The following CACNB4 variants were observed in gnomAD, a reference collection of about 807,000 sequenced individuals.
CACNB4 encodes the protein voltage-dependent L-type calcium channel subunit beta-4.
Under a neutral mutation model 71.2 loss-of-function variants are expected in CACNB4, and 32 were observed. The ratio of observed to expected loss-of-function variants is 0.45; its 90% CI spans 0.34 to 0.60. The LOEUF (loss-of-function observed/expected upper bound fraction) is 0.60. CACNB4 is among the 20% of genes least tolerant of loss of function. The pLI is 0.01. For missense variants in CACNB4, 464 were observed against 647.9 expected (o/e 0.72, Z 3.08); for synonymous variants, 231 against 236.9 (o/e 0.97, Z 0.23).
chr2:151,881,109 G>T (rs2099847710), intron 3 of CACNB4, among the ~76,000 whole-genome samples, 187 bp from the exon 4 acceptor site: 1 of 152,132 alleles, frequency 6.6e-6, no homozygotes, highest in Non-Finnish European at 1.5e-5. Context: ...GGTCCTATCA[G>T]CCCAACCATT....
At chr2:152,034,692 A>G (rs1283619079) in intron 2 of CACNB4, among the ~76,000 whole-genome samples, 1 of 152,164 alleles carries the variant, frequency 6.6e-6, no homozygotes, top group Non-Finnish European at 1.5e-5. Flanking sequence ...TTAAAACACC[A>G]GGGGATGGCA....
At chr2:152,073,767 C>G (rs905276367) in intron 2 of CACNB4, among the ~76,000 whole-genome samples, 1 of 152,204 alleles carries the variant, frequency 6.6e-6, no homozygotes, top group Non-Finnish European at 1.5e-5. Flanking sequence ...TCTCCAAGAG[C>G]AGGGCTCTCA....
rs553023332 is a variant in CACNB4 at position 152,027,448 on chromosome 2, C to A, written c.147+70882G>T. On this transcript the variant is annotated intron_variant, in intron 2 of 13. Coordinates refer to ENST00000539935, the MANE Select transcript of CACNB4 (RefSeq NM_000726.5). ...AAATCAGGTATTCACAAGTTATGGT[C>A]AGGAAAGCCTCCCTGAGTTTTCAAG... 6.6e-5 allele frequency among the ~76,000 whole-genome samples: 10 copies of A among 152,312 alleles called. No homozygotes were observed. In the East Asian group the frequency reaches 1.9e-3, roughly 29 times the overall value.
intron 2 of CACNB4, among the ~76,000 whole-genome samples, chr2:152,089,698 G>A (rs1308510783): frequency 6.6e-6 from 1 of 152,080 alleles, no homozygotes; most frequent in East Asian, 1.9e-4. Context: ...TTGGGAGGCT[G>A]AGGTGAAAGG....
At chr2:151,900,298 AC>A (rs1471682839) in intron 2 of CACNB4, among the ~76,000 whole-genome samples, 4 of 152,186 alleles carry the variant, frequency 2.6e-5, no homozygotes. Flanking sequence ...AAAAAAAGAA[AC>A]GAAGGTTACT....
intron 2 of CACNB4, among the ~76,000 whole-genome samples, chr2:151,935,795 C>T (rs2151617783): frequency 6.6e-6 from 1 of 152,336 alleles, no homozygotes; most frequent in Middle Eastern, 3.4e-3. Flanking sequence ...ATTAGATATT[C>T]TTCAAGATCG....
chr2:152,030,764 A>C (rs1684242342), intron 2 of CACNB4, among the ~76,000 whole-genome samples: 1 of 152,246 alleles, frequency 6.6e-6, no homozygotes, highest in Non-Finnish European at 1.5e-5. Flanking sequence ...ATGTCCCTAC[A>C]AAGGACGTGA....
At chr2:151,911,713 C>A (rs1002286546) in intron 2 of CACNB4, among the ~76,000 whole-genome samples, 14 of 152,254 alleles carry the variant, frequency 9.2e-5, no homozygotes, top group African/African-American at 3.4e-4. Flanking sequence ...GGAAGAGTCC[C>A]TCTTTTTCAG....
At chr2:152,062,225 A>G (rs556091857) in intron 2 of CACNB4, among the ~76,000 whole-genome samples, 1 of 152,100 alleles carries the variant, frequency 6.6e-6, no homozygotes, top group South Asian at 2.1e-4. Context: ...GGAATTCCTA[A>G]TGCATTACAA....
intron 2 of CACNB4, among the ~76,000 whole-genome samples, chr2:152,081,434 C>T (rs1292145434): frequency 1.3e-5 from 2 of 151,954 alleles, no homozygotes; most frequent in African/African-American, 4.8e-5. Context: ...GGGAGGATTA[C>T]TTGAGCCAGG....
intron 2 of CACNB4, chr2:151,972,948 C>G (rs1439309645): frequency 6.6e-6 from 1 of 152,172 alleles, no homozygotes; most frequent in Non-Finnish European, 1.5e-5. Flanking sequence ...TCAGCTTTAC[C>G]TTATATTTAA....
At chr2:151,930,643 A>G (rs2099861404) in intron 2 of CACNB4, among the ~76,000 whole-genome samples, 1 of 152,174 alleles carries the variant, frequency 6.6e-6, no homozygotes, top group Non-Finnish European at 1.5e-5. Context: ...GCTAGGCAGA[A>G]GCTGATAACA....
chr2:151,897,503 A>C (rs2099852374), intron 2 of CACNB4, among the ~76,000 whole-genome samples: 1 of 152,222 alleles, frequency 6.6e-6, no homozygotes, highest in Admixed American at 6.5e-5. Flanking sequence ...TTTGTTGGAA[A>C]CTTTTTTGGA....
intron 2 of CACNB4, among the ~76,000 whole-genome samples, chr2:151,916,100 C>T (rs748099705): frequency 2.0e-5 from 3 of 148,234 alleles, no homozygotes; most frequent in Non-Finnish European, 4.5e-5. Flanking sequence ...GATGAGAGAA[C>T]CTGGATACCT....
At chr2:152,030,253 CAAAA>C (rs765964770) in intron 2 of CACNB4, among the ~76,000 whole-genome samples, 15 of 152,076 alleles carry the variant, frequency 9.9e-5, no homozygotes, top group Admixed American at 5.9e-4. Context: ...TTTGTTAAGA[CAAAA>C]GAAACACAAC....
intron 2 of CACNB4, among the ~76,000 whole-genome samples, chr2:152,034,398 GA>G (rs1223065669): frequency 6.6e-6 from 1 of 152,166 alleles, no homozygotes; most frequent in Non-Finnish European, 1.5e-5. Context: ...GGGCTCTGGT[GA>G]AGGGTGATAA....
chr2:151,851,234 A>C (rs2099839003), intron 12 of CACNB4: 1 of 152,232 alleles, frequency 6.6e-6, no homozygotes, highest in Admixed American at 6.5e-5. Flanking sequence ...TATAATCCAA[A>C]GATTTCTTCA....
chr2:151,977,789 C>A (rs1472293457), intron 2 of CACNB4, among the ~76,000 whole-genome samples: 1 of 152,192 alleles, frequency 6.6e-6, no homozygotes, highest in Non-Finnish European at 1.5e-5. Context: ...TGCAAGAACT[C>A]AGAGAAGAGA....
chr2:152,087,327 C>G (rs1253998631), intron 2 of CACNB4, among the ~76,000 whole-genome samples: 1 of 138,038 alleles, frequency 7.2e-6, no homozygotes, highest in African/African-American at 2.7e-5. Flanking sequence ...AGCTACTTGG[C>G]AGGCTGAGGC....
Sources: allele counts gnomAD v4.1 joint callset (sites outside exome capture counted in the v4.1 genomes callset), GRCh38; gene constraint gnomAD v4.1.1; transcripts MANE v1.5; gene names NCBI Gene and HGNC (gene_info 2026-07-23, HGNC 2026-07-21).